The following UTP4 variants were observed in gnomAD, a reference collection of about 807,000 sequenced individuals.
UTP4 encodes the protein U3 small nucleolar RNA-associated protein 4 homolog.
A neutral mutation model predicts 82.4 loss-of-function variants in UTP4; 45 were observed. That is an observed-to-expected ratio of 0.55 (90% confidence interval 0.43 to 0.70). The LOEUF (loss-of-function observed/expected upper bound fraction) is 0.70, where lower values mean the gene tolerates loss of function less well. Among genes scored for constraint, UTP4 ranks in the 30% least tolerant of loss-of-function variants. The pLI, the probability that UTP4 is intolerant of heterozygous loss-of-function variation, is 0.00. For missense variants in UTP4, 819 were observed against 858.3 expected (o/e 0.95, Z 0.57); for synonymous variants, 348 against 300.3 (o/e 1.16, Z -1.64).
At chr16:69,146,422 A>G (rs969828687) in intron 6 of UTP4, among the ~76,000 whole-genome samples, 5 of 152,184 alleles carry the variant, frequency 3.3e-5, no homozygotes, top group Non-Finnish European at 7.3e-5. Context: ...TACTTAGCAT[A>G]TTGTTCTCAA....
At chr16:69,148,023 C>T (rs1324866636) in intron 6 of UTP4, among the ~76,000 whole-genome samples, 2 of 152,112 alleles carry the variant, frequency 1.3e-5, no homozygotes, top group African/African-American at 2.4e-5. Context: ...GCGTGATCTC[C>T]GCTCACTGCA....
At chr16:69,148,831 C>G (rs2152279762) in intron 6 of UTP4, among the ~76,000 whole-genome samples, 1 of 152,060 alleles carries the variant, frequency 6.6e-6, no homozygotes, top group South Asian at 2.1e-4. Flanking sequence ...GTCTCAAATT[C>G]CTGGGTTGAA....
rs1452045847 is a variant in UTP4, at chr16:69,163,058, A to G, written c.1552-25A>G. Reference sequence around the variant, plus strand: ...AGGAAAAGTGTCACTTAGAGTTGCCACTTGTGTCTGTTATTTGTTCCCAGC... The same window carrying G: ...AGGAAAAGTGTCACTTAGAGTTGCCGCTTGTGTCTGTTATTTGTTCCCAGC... On this transcript the variant is annotated intron_variant, in intron 13 of 16. Coordinates refer to ENST00000314423, the MANE Select transcript of UTP4 (RefSeq NM_032830.3). The G allele has an allele frequency of 1.9e-6, 3 of 1,580,074 alleles. No individual in the cohort carries two copies. The African/African-American group carries it at 4.0e-5, about 21-fold the overall frequency.
chr16:69,133,452 C>T lies in UTP4; in HGVS notation c.-2-6C>T, dbSNP rs1169784509. ...TAGCAATAATGACTCTCTTTTCGCC[C>T]CCTAGGAATGGGTGAATTTAAGGTC... On this transcript the variant is annotated splice_region_variant and splice_polypyrimidine_tract_variant and intron_variant, in intron 1 of 16. Transcript: ENST00000314423. 6.2e-7 allele frequency: 1 copy of T among 1,613,946 alleles called. No individual in the cohort carries two copies. Among genetic ancestry groups the T allele is most frequent in the African/African-American group, 1.3e-5 (1 of 75,028 alleles).
At chr16:69,164,623 T>G (rs1253557449) in intron 14 of UTP4, among the ~76,000 whole-genome samples, 1 of 147,236 alleles carries the variant, frequency 6.8e-6, no homozygotes, top group African/African-American at 2.5e-5. Flanking sequence ...TATGTATATA[T>G]ATATCTGTAT....
intron 10 of UTP4, among the ~76,000 whole-genome samples, chr16:69,154,889 C>T (rs894560520): frequency 2.6e-5 from 4 of 151,968 alleles, no homozygotes; most frequent in East Asian, 1.9e-4. Flanking sequence ...CCACCACGCC[C>T]GGCTAATTTT....
chr16:69,164,683 G>C (rs1284975050), intron 14 of UTP4, among the ~76,000 whole-genome samples: 1 of 149,968 alleles, frequency 6.7e-6, no homozygotes. Flanking sequence ...TACAGAGACA[G>C]CTTTGTTTGT....
rs778819106 is a variant in UTP4 at position 69,168,905 on chromosome 16, C to T, written c.2029C>T (p.Pro677Ser). ...GGATGACATCATTGCTCAGCTCCCACCACCCATTAAAAAGAAGAAATTTGG... is the reference window on the plus strand; with the variant it reads ...GGATGACATCATTGCTCAGCTCCCATCACCCATTAAAAAGAAGAAATTTGG... ...PLDDIIAQLP[P>S]PIKKKKFGT The change falls in exon 17 of 17, where the codon CCA becomes TCA. Residue 677 changes from proline (P) to serine (S), a missense_variant. Transcript: ENST00000314423. 5 of 1,613,524 alleles carry T rather than the reference C, an allele frequency of 3.1e-6. No individual in the cohort carries two copies. Among genetic ancestry groups the T allele is most frequent in the Admixed American group, 1.7e-5 (1 of 59,998 alleles).
At chr16:69,161,321 A>T (rs1023462731) in intron 13 of UTP4, among the ~76,000 whole-genome samples, 3 of 152,262 alleles carry the variant, frequency 2.0e-5, no homozygotes, top group Non-Finnish European at 2.9e-5. Flanking sequence ...AACTTGGAAT[A>T]AGCATTAAAA....
intron 4 of UTP4, chr16:69,138,906 T>C (rs1962884119): frequency 6.6e-6 from 1 of 152,050 alleles, no homozygotes; most frequent in Admixed American, 6.6e-5. Flanking sequence ...TTAGTAATAC[T>C]TATCCTCTGC....
At position 69,142,566 on chromosome 16, in the gene UTP4, G is replaced by A. The variant is rs1167505152; in HGVS notation, c.527-612G>A. On this transcript the variant is annotated intron_variant, in intron 5 of 16. Transcript: ENST00000314423. ...CTTACTCCTTTTCTAGAATATCTGG[G>A]GTCCCCAATTCCTGAGTCCAAGGAT... Among the ~76,000 whole-genome samples, 13 of 152,168 alleles carry A rather than the reference G, an allele frequency of 8.5e-5. 1 individual carries two copies. Among genetic ancestry groups the A allele is most frequent in the Admixed American group, 7.9e-4 (12 of 15,276 alleles).
intron 5 of UTP4, among the ~76,000 whole-genome samples, chr16:69,140,456 C>T (rs1338384696): frequency 6.6e-6 from 1 of 152,132 alleles, no homozygotes; most frequent in African/African-American, 2.4e-5. Context: ...TGGCTCATGC[C>T]TGTAATCCCA....
intron 6 of UTP4, among the ~76,000 whole-genome samples, chr16:69,149,264 C>A (rs946106461): frequency 1.2e-4 from 18 of 152,072 alleles, no homozygotes; most frequent in Non-Finnish European, 1.9e-4. Flanking sequence ...CCTGTAATCC[C>A]AGCTACTCAG....
At chr16:69,135,368 G>T (rs973162728) in intron 2 of UTP4, among the ~76,000 whole-genome samples, 5 of 151,752 alleles carry the variant, frequency 3.3e-5, no homozygotes, top group Non-Finnish European at 7.4e-5. Context: ...TACTAGATAC[G>T]ATTGCTTAGC....
At chr16:69,161,077 G>T (rs539060937) in intron 13 of UTP4, among the ~76,000 whole-genome samples, 2 of 152,074 alleles carry the variant, frequency 1.3e-5, no homozygotes, top group African/African-American at 4.8e-5. Flanking sequence ...GGTTCTTTCT[G>T]TATTTTCGGG....
intron 2 of UTP4, among the ~76,000 whole-genome samples, chr16:69,135,402 G>A (rs1032881621): frequency 3.9e-5 from 6 of 151,952 alleles, no homozygotes; most frequent in African/African-American, 7.3e-5. Context: ...CTCAGAGCAA[G>A]AAAAAATTAG....
chr16:69,159,683 T>C (rs1389766591), intron 12 of UTP4, among the ~76,000 whole-genome samples: 1 of 147,072 alleles, frequency 6.8e-6, no homozygotes. Context: ...TGAGACTCCG[T>C]CTAAAAAAAG....
intron 14 of UTP4, 27 bp from the exon 15 acceptor site, chr16:69,165,314 A>T: frequency 6.2e-7 from 1 of 1,609,518 alleles, no homozygotes; most frequent in Non-Finnish European, 8.5e-7. Flanking sequence ...ACCAGCCTGC[A>T]TTTCTCTATG....
In UTP4 at chr16:69,137,621, A is replaced by G. The variant is rs112934993; in HGVS notation, c.352-180A>G. Among the ~76,000 whole-genome samples, 909 of 152,318 alleles carry G rather than the reference A, an allele frequency of 6.0e-3. 12 individuals carry two copies. Among genetic ancestry groups the G allele is most frequent in the African/African-American group, 0.019 (808 of 41,558 alleles). ...ATATGAAGGCTACTGAGAATACACT[A>G]TTAGTTTCTTGATAACTAGTACTTT... On this transcript the variant is annotated intron_variant, in intron 3 of 16. Transcript: ENST00000314423.
Sources: allele counts gnomAD v4.1 joint callset (sites outside exome capture counted in the v4.1 genomes callset), GRCh38; gene constraint gnomAD v4.1.1; transcripts MANE v1.5; gene names NCBI Gene and HGNC (gene_info 2026-07-23, HGNC 2026-07-21).